The following RAPGEF2 variants were observed in gnomAD, a reference collection of about 807,000 sequenced individuals.
RAPGEF2 encodes the protein Rap guanine nucleotide exchange factor 2, also known as PDZ domain containing guanine nucleotide exchange factor (GEF) 1.
In RAPGEF2, 54 loss-of-function variants were observed where a neutral mutation model predicts 186.7. That is an observed-to-expected ratio of 0.29 (90% CI 0.23 to 0.36). The LOEUF (loss-of-function observed/expected upper bound fraction) is 0.36, where lower values mean the gene tolerates loss of function less well. Ranked by LOEUF, RAPGEF2 falls within the 10% of genes least tolerant of loss-of-function variation. RAPGEF2 has a pLI of 1.00. For synonymous variants in RAPGEF2, 712 were observed against 705.9 expected (o/e 1.01, Z -0.14); for missense variants, 1,532 against 2,045.0 (o/e 0.75, Z 4.84).
Position 159,323,445 on chromosome 4 carries a change from T to C in RAPGEF2, c.991-14T>C, listed in dbSNP as rs1765505771. The C allele has an allele frequency of 2.5e-6, 4 of 1,569,808 alleles. No homozygotes were observed. Among genetic ancestry groups the C allele is most frequent in the Non-Finnish European group, 3.5e-6 (4 of 1,157,214 alleles). ...GATGTTACTTTCTGCTTTGTCTTTA[T>C]TTTTTTGGATTAGCTGGACTCCTGG... On this transcript the variant is annotated splice_polypyrimidine_tract_variant and intron_variant, in intron 10 of 29. Transcript: ENST00000691494.
chr4:159,272,404 T>G (rs533706556), intron 7 of RAPGEF2, among the ~76,000 whole-genome samples: 1 of 152,220 alleles, frequency 6.6e-6, no homozygotes, highest in African/African-American at 2.4e-5. Context: ...CACTTCAGGC[T>G]CATTTTCTTT....
At chr4:159,284,781 G>C (rs1252074983) in intron 7 of RAPGEF2, among the ~76,000 whole-genome samples, 1 of 152,212 alleles carries the variant, frequency 6.6e-6, no homozygotes, top group African/African-American at 2.4e-5. Flanking sequence ...CCTGGGTGCG[G>C]TGGCTTCACG....
rs751558601 is a variant in RAPGEF2 at position 159,339,334 on chromosome 4, C to T, written c.2514C>T (p.Asp838=). 7 of 1,614,006 alleles carry T rather than the reference C, an allele frequency of 4.3e-6. No homozygotes were observed. In the South Asian group the frequency reaches 7.7e-5, roughly 18 times the overall value. The change falls in exon 19 of 30, where the codon GAC becomes GAT. Residue 838 remains aspartate, a synonymous_variant. Transcript: ENST00000691494. ...CAGATCAGCTTTCCAAACTTGCAGA[C>T]AGAATACAACTGAGTGGAAGGTATA... ...RLPDQLSKLA[D]RIQLSGRYYL... is the part of the protein sequence containing the mutation.
At chr4:159,173,549 G>T (rs1162349988) in intron 1 of RAPGEF2, among the ~76,000 whole-genome samples, 1 of 152,144 alleles carries the variant, frequency 6.6e-6, no homozygotes, top group African/African-American at 2.4e-5. Flanking sequence ...AAGGTTTCTA[G>T]GAGGTTTAAC....
intron 4 of RAPGEF2, among the ~76,000 whole-genome samples, chr4:159,237,930 G>A (rs1282189979): frequency 3.3e-5 from 5 of 150,772 alleles, no homozygotes; most frequent in Admixed American, 3.3e-4. Flanking sequence ...AGGCAGGAGG[G>A]TTGCTTGAGT....
At chr4:159,313,249 A>G (rs767442469) in intron 8 of RAPGEF2, among the ~76,000 whole-genome samples, 1 of 152,256 alleles carries the variant, frequency 6.6e-6, no homozygotes, top group African/African-American at 2.4e-5. Flanking sequence ...CCACATTCAT[A>G]TTCAGTGAAT....
intron 4 of RAPGEF2, among the ~76,000 whole-genome samples, chr4:159,225,862 T>C (rs1006963153): frequency 4.6e-5 from 7 of 152,200 alleles, no homozygotes; most frequent in African/African-American, 7.2e-5. Flanking sequence ...TAAGCATTCT[T>C]TATGTGTTTT....
At chr4:159,310,957 G>A (rs933692057) in intron 8 of RAPGEF2, among the ~76,000 whole-genome samples, 1 of 151,528 alleles carries the variant, frequency 6.6e-6, no homozygotes, top group East Asian at 1.9e-4. Flanking sequence ...TTAGCAAAGT[G>A]GAAAACATTT....
In RAPGEF2 at chr4:159,353,798, A is replaced by G. The variant is rs763071066; in HGVS notation, c.4403A>G (p.Tyr1468Cys). The G allele has an allele frequency of 5.6e-6, 9 of 1,614,274 alleles. No homozygotes were observed. Among genetic ancestry groups the G allele is most frequent in the South Asian group, 4.4e-5 (4 of 91,088 alleles). Reference protein sequence around the residue: ...QIMFSDHSTKYNRQNQSRESL... With the variant: ...QIMFSDHSTKCNRQNQSRESL... ...ATGTTTTCTGATCATAGCACAAAGT[A>G]TAACAGGCAAAATCAAAGTAGAGAG... Residue 1468 changes from tyrosine to cysteine, a missense_variant, in exon 28 of 30, where the codon TAT becomes TGT. Physicochemically the swap from Tyr to Cys is radical, Grantham distance 194. Around this residue, in one of 4 missense-constraint regions of RAPGEF2, gnomAD observed 594 missense variants for 608.5 expected, o/e 0.98. Transcript: ENST00000691494. This position sits in a 1 kb window ranked among gnomAD's most constrained non-coding sequence, Gnocchi z 4.3.
At chr4:159,264,566 C>G (rs886927647) in intron 7 of RAPGEF2, among the ~76,000 whole-genome samples, 5 of 152,066 alleles carry the variant, frequency 3.3e-5, no homozygotes, top group Admixed American at 3.3e-4. Flanking sequence ...TTGCCATTTA[C>G]TTTTTTTAAA....
intron 7 of RAPGEF2, among the ~76,000 whole-genome samples, chr4:159,299,766 C>T (rs911651599): frequency 1.9e-4 from 29 of 151,934 alleles, no homozygotes; most frequent in African/African-American, 6.8e-4. Context: ...TAAATGCCAA[C>T]CATTAGATTA....
At chr4:159,346,584 C>G (rs1351776991) in intron 24 of RAPGEF2, among the ~76,000 whole-genome samples, 2 of 152,064 alleles carry the variant, frequency 1.3e-5, no homozygotes, top group East Asian at 1.9e-4. Context: ...AAGTAGATAC[C>G]TTTGTCCTGC....
At position 159,332,371 on chromosome 4, in the gene RAPGEF2, C is replaced by T. The variant is rs540845512; in HGVS notation, c.1889-80C>T. 5.1e-4 allele frequency: 729 copies of T among 1,423,156 alleles called. 4 individuals are homozygous for T. Among genetic ancestry groups the T allele is most frequent in the Non-Finnish European group, 2.4e-4 (251 of 1,041,684 alleles). 88.2% of individuals were successfully genotyped at this position (1,423,156 alleles called of 1,614,324 possible). A position where few individuals can be genotyped will look rare whatever the true frequency, so the allele number is the denominator to read the frequency against. ...GAAGTCTGTACTTCTCATATATTTC[C>T]AAGTTCCACAATTGCCTTAGAATTG... On this transcript the variant is annotated intron_variant, in intron 16 of 29. Coordinates refer to ENST00000691494, the MANE Select transcript of RAPGEF2 (RefSeq NM_001394067.2).
At chr4:159,335,493 G>A (rs1433006107) in intron 17 of RAPGEF2, among the ~76,000 whole-genome samples, 1 of 152,170 alleles carries the variant, frequency 6.6e-6, no homozygotes, top group Non-Finnish European at 1.5e-5. Context: ...GGTGAGTAAT[G>A]AGGAAACTGA....
At chr4:159,114,234 G>C (rs1043732239) in intron 1 of RAPGEF2, among the ~76,000 whole-genome samples, 9 of 151,710 alleles carry the variant, frequency 5.9e-5, no homozygotes, top group African/African-American at 1.9e-4. Context: ...CTCCTAAGTA[G>C]CTGGGATTAC....
chr4:159,355,863 G>C lies in RAPGEF2; in HGVS notation c.4662G>C (p.Glu1554Asp). ...STTKGLIARK[E>D]GRYREPPPTP... Reference sequence around the variant, plus strand: ...TTGTTTCTACTCTAGCACGAAAGGAGGGCAGGTATCGAGAGCCCCCGCCCA... The same window carrying C: ...TTGTTTCTACTCTAGCACGAAAGGACGGCAGGTATCGAGAGCCCCCGCCCA... The change falls in exon 29 of 30, where the codon GAG becomes GAC. Residue 1554 changes from glutamate (E) to aspartate (D), a missense_variant. By Grantham distance (45) the Glu-to-Asp change is conservative. Coordinates refer to ENST00000691494, the MANE Select transcript of RAPGEF2 (RefSeq NM_001394067.2). The C allele has an allele frequency of 6.5e-7, 1 of 1,547,322 alleles. No individual in the cohort carries two copies.
intron 8 of RAPGEF2, among the ~76,000 whole-genome samples, chr4:159,312,860 A>G (rs1764108612): frequency 6.6e-6 from 1 of 152,226 alleles, no homozygotes; most frequent in African/African-American, 2.4e-5. Flanking sequence ...ATAAGAAAAT[A>G]GCACAGGCTG....
intron 7 of RAPGEF2, among the ~76,000 whole-genome samples, chr4:159,247,198 A>G (rs955269169): frequency 3.3e-5 from 5 of 152,080 alleles, no homozygotes; most frequent in African/African-American, 1.2e-4. Flanking sequence ...TTTCATTTAT[A>G]TATTTTTGGT....
chr4:159,221,576 C>A (rs1489675392), intron 4 of RAPGEF2, among the ~76,000 whole-genome samples: 1 of 152,112 alleles, frequency 6.6e-6, no homozygotes, highest in East Asian at 1.9e-4. Context: ...AAAAACTATC[C>A]TTCTAAGGAG....
Sources: gnomAD v4.1 joint callset for allele counts (sites outside exome capture counted in the v4.1 genomes callset) on GRCh38, gnomAD v4.1.1 for gene constraint, gnomAD v4.1.1 regional missense constraint, Gnocchi (gnomAD v3.1) non-coding constraint, MANE v1.5 for transcripts, NCBI Gene and HGNC (gene_info 2026-07-23, HGNC 2026-07-21) for gene names.